TRRAP: variants seen among roughly 807,000 people sequenced by gnomAD.
TRRAP encodes the protein transformation/transcription domain-associated protein.
A neutral mutation model predicts 438.8 loss-of-function variants in TRRAP; 41 were observed. That is an observed-to-expected ratio of 0.09 (90% CI 0.07 to 0.12). The LOEUF (loss-of-function observed/expected upper bound fraction) is 0.12. TRRAP is among the 10% of genes least tolerant of loss of function. The probability of loss-of-function intolerance (pLI) is 1.00; values close to 1 mark genes in which losing one functional copy is unlikely to be tolerated. For missense variants in TRRAP, 3,122 were observed against 5,055.1 expected, an observed-to-expected ratio of 0.62 and a Z score of 11.60; for synonymous variants, 1,994 against 1,962.9, an observed-to-expected ratio of 1.02 and a Z score of -0.42.
chr7:98,958,913 A>G (rs1299514795), intron 44 of TRRAP, among the ~76,000 whole-genome samples: 1 of 152,212 alleles, frequency 6.6e-6, no homozygotes, highest in Non-Finnish European at 1.5e-5. Context: ...GAAACTTTAT[A>G]TTTCAAAGAA....
intron 24 of TRRAP, 62 bp from the exon 25 acceptor site, chr7:98,930,569 ACT>A (rs1468270388): frequency 2.5e-6 from 4 of 1,596,518 alleles, no homozygotes; most frequent in African/African-American, 2.7e-5. Context: ...TAAGAGCGAA[ACT>A]CTGTCTCAAA....
intron 20 of TRRAP, among the ~76,000 whole-genome samples, chr7:98,919,049 G>A (rs1238585963): frequency 1.3e-5 from 2 of 152,012 alleles, no homozygotes; most frequent in Non-Finnish European, 2.9e-5. Flanking sequence ...ATATTTTGCT[G>A]TTGTTACTGA....
chr7:98,963,501 C>T (rs1792011832), intron 47 of TRRAP, among the ~76,000 whole-genome samples: 1 of 152,184 alleles, frequency 6.6e-6, no homozygotes, highest in African/African-American at 2.4e-5. Flanking sequence ...CCGGGGCAGC[C>T]TCGGGGTGAG....
intron 67 of TRRAP, among the ~76,000 whole-genome samples, chr7:99,002,831 TG>T (rs1037982130): frequency 2.0e-5 from 3 of 152,162 alleles, no homozygotes; most frequent in African/African-American, 7.2e-5. Flanking sequence ...TATAGCTGGG[TG>T]TTATCACGCG....
chr7:98,893,917 T>C, intron 6 of TRRAP, 36 bp downstream of exon 6: 4 of 1,589,736 alleles, frequency 2.5e-6, no homozygotes, highest in Non-Finnish European at 3.4e-6. Context: ...ATTTATAAAG[T>C]GTGTCAACAT....
intron 23 of TRRAP, among the ~76,000 whole-genome samples, chr7:98,927,919 C>T (rs1056297712): frequency 1.3e-5 from 2 of 152,136 alleles, no homozygotes; most frequent in Non-Finnish European, 2.9e-5. Context: ...TATTTCCGAT[C>T]CATTGTAGGT....
At position 98,955,086 on chromosome 7, in the gene TRRAP, T is replaced by C; in HGVS notation, c.5731-12T>C. 6.2e-7 allele frequency: 1 copy of C among 1,606,548 alleles called. No homozygotes were observed. The highest frequency in any genetic ancestry group is 1.7e-4 in the Middle Eastern group (1 of 6,034). ...CTTCTCATCCTCCATAAACGTCTCT[T>C]CCCTGTTTTAGGTTTTTCATAGTCT... is the stretch of plus-strand genomic sequence containing the variant. On this transcript the variant is annotated splice_polypyrimidine_tract_variant and intron_variant, in intron 40 of 72. Coordinates refer to ENST00000456197, the MANE Select transcript of TRRAP (RefSeq NM_001375524.1).
rs371268386 is a variant in TRRAP, at chr7:98,910,325, A to G, written c.1620A>G (p.Thr540=). 5 of 1,610,508 alleles carry G rather than the reference A, an allele frequency of 3.1e-6. No individual in the cohort carries two copies. The African/African-American group carries it at 5.4e-5, about 17-fold the overall frequency. ...AAAAGGACAAGGAAGACAAGCAGAC[A>G]TTCCAAGTCACAGACTGTCGAAGTT... ...QGEKDKEDKQ[T]FQVTDCRSLV... Residue 540 remains threonine (T), a synonymous_variant, in exon 15 of 73, where the codon ACA becomes ACG. Transcript: ENST00000456197.
In TRRAP at chr7:98,948,004, G is replaced by A. The variant is rs537411990; in HGVS notation, c.4549-217G>A. Among the ~76,000 whole-genome samples, 11 of 152,282 alleles carry A rather than the reference G, an allele frequency of 7.2e-5. No homozygotes were observed. The highest frequency in any genetic ancestry group is 1.2e-4 in the Non-Finnish European group (8 of 68,020). On this transcript the variant is annotated intron_variant, in intron 33 of 72. Transcript: ENST00000456197. The surrounding 1 kb of genome is among the most constrained non-coding windows in gnomAD (Gnocchi z 4.9). ...GTCGGCCCCTCCACACCCCTACAATGGACAGGAATGCTGAAGGCCACGGGC... is the reference window on the plus strand; with the variant it reads ...GTCGGCCCCTCCACACCCCTACAATAGACAGGAATGCTGAAGGCCACGGGC...
intron 65 of TRRAP, 81 bp from the exon 66 acceptor site, chr7:98,993,457 G>T: frequency 6.9e-7 from 1 of 1,456,462 alleles, no homozygotes; most frequent in Non-Finnish European, 9.3e-7. Context: ...GCGCTCCTTT[G>T]GCCCATGGGT....
chr7:98,895,370 A>G (rs782317407), intron 6 of TRRAP, among the ~76,000 whole-genome samples: 3 of 152,224 alleles, frequency 2.0e-5, no homozygotes, highest in African/African-American at 4.8e-5. Context: ...TACCGAGGCA[A>G]AGGCATTGAA....
intron 3 of TRRAP, among the ~76,000 whole-genome samples, chr7:98,887,736 A>AAG (rs1377384790): frequency 3.5e-5 from 5 of 142,284 alleles, no homozygotes; most frequent in Middle Eastern, 3.5e-3. Context: ...TCTCAAAAAA[A>AAG]AAAAAAAAAA....
chr7:98,942,898 G>C, intron 30 of TRRAP, 51 bp from the exon 31 acceptor site: 1 of 1,600,512 alleles, frequency 6.2e-7, no homozygotes, highest in Non-Finnish European at 8.6e-7. Context: ...GTTTCCACCA[G>C]TGGAATGCAC....
intron 67 of TRRAP, among the ~76,000 whole-genome samples, chr7:98,995,927 C>T (rs1584404785): frequency 6.7e-6 from 1 of 149,236 alleles, no homozygotes. Context: ...CCTCGCATCC[C>T]CATCCCGTCC....
Position 98,950,168 on chromosome 7 carries a change from T to G in TRRAP, c.5240T>G (p.Ile1747Ser), listed in dbSNP as rs782051530. Residue 1747 changes from isoleucine to serine, a missense_variant, in exon 38 of 73, where the codon ATT becomes AGT. Physicochemically the swap from Ile to Ser is moderately radical, Grantham distance 142. Around this residue, in one of 24 missense-constraint regions of TRRAP, gnomAD observed 272 missense variants for 348.5 expected, o/e 0.78. Transcript: ENST00000456197. The part of the protein sequence containing the change: ...TFLKEYMEEE[I>S]PKNYSIAQKR... ...TTAAAAGAGTATATGGAGGAAGAGA[T>G]TCCCAAAAATTACAGCATCGCTCAG... 1 of 1,614,230 alleles carries G rather than the reference T, an allele frequency of 6.2e-7. No individual in the cohort carries two copies. Among genetic ancestry groups the G allele is most frequent in the Non-Finnish European group, 8.5e-7 (1 of 1,180,036 alleles).
At chr7:98,996,506 C>T (rs1186879282) in intron 67 of TRRAP, among the ~76,000 whole-genome samples, 5 of 152,156 alleles carry the variant, frequency 3.3e-5, no homozygotes, top group East Asian at 3.8e-4. Context: ...TGTGTGAAAA[C>T]GAGATTTGTC....
intron 19 of TRRAP, 78 bp from the exon 20 acceptor site, chr7:98,917,345 C>T: frequency 6.4e-7 from 1 of 1,550,896 alleles, no homozygotes. Flanking sequence ...GAAGGAGGGG[C>T]AGTTCTTTTG....
intron 49 of TRRAP, among the ~76,000 whole-genome samples, chr7:98,966,468 T>TGAGG (rs1306912194): frequency 6.6e-6 from 1 of 151,524 alleles, no homozygotes; most frequent in East Asian, 2.0e-4. Context: ...GTGGATCACT[T>TGAGG]GAGGTCAGGA....
At chr7:98,900,741 G>T in intron 11 of TRRAP, 21 bp downstream of exon 11, 1 of 1,597,048 alleles carries the variant, frequency 6.3e-7, no homozygotes, top group Non-Finnish European at 8.6e-7. Context: ...TGACTTTTAT[G>T]TCAGGTTTAT....
Sources: allele counts gnomAD v4.1 joint callset (sites outside exome capture counted in the v4.1 genomes callset), GRCh38; gene constraint gnomAD v4.1.1; regional missense constraint gnomAD v4.1.1; non-coding constraint Gnocchi (gnomAD v3.1); transcripts MANE v1.5; gene names NCBI Gene and HGNC (gene_info 2026-07-23, HGNC 2026-07-21).